CASS4: variants seen among roughly 807,000 people sequenced by gnomAD.
CASS4 encodes the protein Cas scaffold protein family member 4.
A neutral mutation model predicts 54.2 loss-of-function variants in CASS4; 22 were observed. The observed-to-expected ratio is 0.41, with a 90% CI of 0.29 to 0.58. CASS4 has a LOEUF of 0.58. CASS4 is among the 20% of genes least tolerant of loss of function. CASS4 has a pLI of 0.36. For missense variants in CASS4, 854 were observed against 986.7 expected (o/e 0.87, Z 1.80); for synonymous variants, 409 against 391.5 (o/e 1.04, Z -0.53).
chr20:56,429,560 G>A (rs1190787802), intron 1 of CASS4, among the ~76,000 whole-genome samples: 1 of 152,002 alleles, frequency 6.6e-6, no homozygotes, highest in African/African-American at 2.4e-5. Context: ...CTCTCTCCAG[G>A]CAACCTGGTC....
intron 1 of CASS4, among the ~76,000 whole-genome samples, chr20:56,415,349 G>T (rs138226603): frequency 6.6e-6 from 1 of 151,842 alleles, no homozygotes; most frequent in Admixed American, 6.6e-5. Context: ...ACCCACCCAC[G>T]CAGTACCAGG....
chr20:56,416,562 C>T (rs1197618053), intron 1 of CASS4, among the ~76,000 whole-genome samples: 1 of 150,686 alleles, frequency 6.6e-6, no homozygotes, highest in African/African-American at 2.4e-5. Flanking sequence ...TGTGTGTATG[C>T]ACACATGCCA....
chr20:56,457,441 G>A (rs897548173), intron 5 of CASS4, among the ~76,000 whole-genome samples: 1 of 152,108 alleles, frequency 6.6e-6, no homozygotes, highest in African/African-American at 2.4e-5. Context: ...TGTAGGATTT[G>A]GGAGAAGTTG....
chr20:56,413,672 CAAAAAAA>C (rs35217347), intron 1 of CASS4, among the ~76,000 whole-genome samples: 27 of 28,306 alleles, frequency 9.5e-4, no homozygotes, highest in African/African-American at 2.5e-3. Context: ...GACTCTGTCT[CAAAAAAA>C]AAAAAAAAAA....
At chr20:56,454,252 C>T (rs1981180316) in intron 5 of CASS4, among the ~76,000 whole-genome samples, 1 of 152,118 alleles carries the variant, frequency 6.6e-6, no homozygotes, top group African/African-American at 2.4e-5. Context: ...CATTATAGAG[C>T]GAGATGCTTC....
chr20:56,432,217 A>T (rs1397133958), intron 1 of CASS4, among the ~76,000 whole-genome samples: 1 of 152,116 alleles, frequency 6.6e-6, no homozygotes, highest in Non-Finnish European at 1.5e-5. Context: ...AAGATAATAA[A>T]CCTTTCAGAT....
At chr20:56,417,973 C>T (rs886407228) in intron 1 of CASS4, among the ~76,000 whole-genome samples, 9 of 152,182 alleles carry the variant, frequency 5.9e-5, no homozygotes, top group Non-Finnish European at 1.0e-4. Flanking sequence ...ATCTATTCCA[C>T]GAGGCAAAAC....
chr20:56,419,467 G>A (rs886839175), intron 1 of CASS4, among the ~76,000 whole-genome samples: 16 of 151,942 alleles, frequency 1.1e-4, no homozygotes, highest in Admixed American at 2.6e-4. Flanking sequence ...CACCACCCCC[G>A]CTCAGGCTGG....
Position 56,437,500 on chromosome 20 carries a change from C to T in CASS4, c.373C>T (p.Pro125Ser). The change falls in exon 2 of 6, where the codon CCC (proline) becomes TCC (serine). Residue 125 changes from proline (P) to serine (S), a missense_variant. Physicochemically the swap from Pro to Ser is moderately conservative, Grantham distance 74. Transcript: ENST00000679887. This position sits in a 1 kb window ranked among gnomAD's most constrained non-coding sequence, Gnocchi z 4.7. ...GAGGAGTTGGGCGGAGGGGCCCCAG[C>T]CCCCTACTGCCCAAGTCTATGAATT... Reference protein sequence around the residue: ...QMRSWAEGPQPPTAQVYEFPD... With the variant: ...QMRSWAEGPQSPTAQVYEFPD... 1 of 1,603,726 alleles carries T rather than the reference C, an allele frequency of 6.2e-7. No individual in the cohort carries two copies. Among genetic ancestry groups the T allele is most frequent in the South Asian group, 1.1e-5 (1 of 90,092 alleles).
chr20:56,446,030 C>T, intron 3 of CASS4, 29 bp downstream of exon 3: 1 of 1,458,830 alleles, frequency 6.9e-7, no homozygotes. Context: ...CCCCTCATCA[C>T]CCAGACCTCT....
Position 56,459,181 on chromosome 20 carries a change from G to T in CASS4, c.*434G>T. 6.0e-6 allele frequency: 1 copy of T among 167,640 alleles called. No homozygotes were observed. Among genetic ancestry groups the T allele is most frequent in the Non-Finnish European group, 1.3e-5 (1 of 76,878 alleles). 10.4% of individuals were successfully genotyped at this position (167,640 alleles called of 1,614,324 possible). A position where few individuals can be genotyped will look rare whatever the true frequency, so the allele number is the denominator to read the frequency against. ...TTCTCCCGCCTCAGCCTCCAGAGTAGCTGGTACTACAGGTGTGCGCCACCA... is the reference window on the plus strand; with the variant it reads ...TTCTCCCGCCTCAGCCTCCAGAGTATCTGGTACTACAGGTGTGCGCCACCA... On this transcript the variant is annotated 3_prime_UTR_variant, in exon 6 of 6. Transcript: ENST00000679887.
At chr20:56,435,413 G>C (rs1980107271) in intron 1 of CASS4, among the ~76,000 whole-genome samples, 1 of 152,166 alleles carries the variant, frequency 6.6e-6, no homozygotes, top group Admixed American at 6.5e-5. Flanking sequence ...GTGTGAATTG[G>C]TATCTTTTAG....
At chr20:56,457,587 T>C (rs988108015) in intron 5 of CASS4, among the ~76,000 whole-genome samples, 3 of 152,158 alleles carry the variant, frequency 2.0e-5, no homozygotes, top group Admixed American at 6.5e-5. Context: ...GGGTATTTAG[T>C]TGCTTCTGGA....
chr20:56,426,394 C>T (rs1208603672), intron 1 of CASS4, among the ~76,000 whole-genome samples: 2 of 152,180 alleles, frequency 1.3e-5, no homozygotes, highest in Non-Finnish European at 2.9e-5. Context: ...TCCTGATTCC[C>T]GAGGCGTTGG....
rs992442438 is a variant in CASS4 at position 56,414,220 on chromosome 20, T to C, written c.36+1726T>C. Among the ~76,000 whole-genome samples, 2 of 152,234 alleles carry C rather than the reference T, an allele frequency of 1.3e-5. No individual in the cohort carries two copies. The highest frequency in any genetic ancestry group is 4.8e-5 in the African/African-American group (2 of 41,454). ...TTCCAAAATTATCCTTTTTAGCTTT[T>C]CTGGCTGTTGTTGTTTGTGTGTGTG... On this transcript the variant is annotated intron_variant, in intron 1 of 5. Coordinates refer to ENST00000679887, the MANE Select transcript of CASS4 (RefSeq NM_020356.4). This position sits in a 1 kb window ranked among gnomAD's most constrained non-coding sequence, Gnocchi z 4.1.
intron 2 of CASS4, among the ~76,000 whole-genome samples, chr20:56,445,355 C>A (rs986506718): frequency 1.3e-5 from 2 of 152,182 alleles, no homozygotes; most frequent in African/African-American, 4.8e-5. Context: ...TGCCTCAGCC[C>A]AGGTGACAAG....
At chr20:56,446,590 A>T (rs1980724084) in intron 3 of CASS4, among the ~76,000 whole-genome samples, 1 of 152,116 alleles carries the variant, frequency 6.6e-6, no homozygotes, top group Non-Finnish European at 1.5e-5. Context: ...CATTTGTAAG[A>T]CATGCTTCAT....
At chr20:56,434,092 G>A (rs1980040322) in intron 1 of CASS4, among the ~76,000 whole-genome samples, 1 of 152,214 alleles carries the variant, frequency 6.6e-6, no homozygotes, top group African/African-American at 2.4e-5. Context: ...GCACAGGGTA[G>A]ATTAGGGTAC....
At chr20:56,442,975 G>A (rs1980527513) in intron 2 of CASS4, among the ~76,000 whole-genome samples, 1 of 151,770 alleles carries the variant, frequency 6.6e-6, no homozygotes, top group Non-Finnish European at 1.5e-5. Context: ...GCCCTTATAG[G>A]CAAAGGGGAT....
Sources: gnomAD v4.1 joint callset for allele counts (sites outside exome capture counted in the v4.1 genomes callset) on GRCh38, gnomAD v4.1.1 for gene constraint, Gnocchi (gnomAD v3.1) non-coding constraint, MANE v1.5 for transcripts, NCBI Gene and HGNC (gene_info 2026-07-23, HGNC 2026-07-21) for gene names.